TENM3: variants seen among roughly 807,000 people sequenced by gnomAD.
TENM3 encodes the protein teneurin-3.
TENM3 carries 63 observed loss-of-function variants against 255.1 expected under a neutral mutation model. That is an observed-to-expected ratio of 0.25 (90% CI 0.20 to 0.30). The LOEUF is 0.30. Among genes scored for constraint, TENM3 ranks in the 10% least tolerant of loss-of-function variants. TENM3 has a pLI of 1.00. For missense variants in TENM3, 2,929 were observed against 3,461.1 expected (o/e 0.85, Z 3.86); for synonymous variants, 1,306 against 1,322.3 (o/e 0.99, Z 0.27).
chr4:182,477,776 AT>A (rs1322106154), intron 3 of TENM3, among the ~76,000 whole-genome samples: 3 of 152,170 alleles, frequency 2.0e-5, no homozygotes, highest in Admixed American at 6.5e-5. Context: ...CATCTACTTT[AT>A]TTTTTAATAC....
chr4:181,840,953 G>A, the TENM3 span, among the ~76,000 whole-genome samples: 1 of 152,094 alleles, frequency 6.6e-6, no homozygotes, highest in African/African-American at 2.4e-5. Context: ...TTATTCCTTT[G>A]TCTACTTTTT....
chr4:181,973,991 C>T, the TENM3 span, among the ~76,000 whole-genome samples: 126 of 152,272 alleles, frequency 8.3e-4, no homozygotes, highest in Admixed American at 6.3e-3. Context: ...ACCATAATGC[C>T]GGCCTACTCC....
rs1762581215 is a variant in TENM3, at chr4:182,754,415, A to C, written c.4048A>C (p.Ile1350Leu). The C allele has an allele frequency of 1.2e-6, 2 of 1,608,398 alleles. No homozygotes were observed. Among genetic ancestry groups the C allele is most frequent in the Non-Finnish European group, 1.7e-6 (2 of 1,176,948 alleles). Residue 1350 changes from isoleucine to leucine, a missense_variant, in exon 22 of 28, where the codon ATT becomes CTT. This residue lies in a region of TENM3 where 1,608 missense variants were observed against 1,884.4 expected (regional missense o/e 0.85). Transcript: ENST00000511685. The surrounding 1 kb of genome is among the most constrained non-coding windows in gnomAD (Gnocchi z 5.1). ...TCTGGAATGGCCCACTGACCTAGCC[A>C]TTAACCCTATGGATAACTCCATTTA... Reference protein sequence around the residue: ...VRLEWPTDLAINPMDNSIYVL... With the variant: ...VRLEWPTDLALNPMDNSIYVL...
chr4:182,747,019 T>C (rs1762054757), intron 19 of TENM3, among the ~76,000 whole-genome samples: 1 of 152,206 alleles, frequency 6.6e-6, no homozygotes, highest in African/African-American at 2.4e-5. Context: ...TACCTGCCTA[T>C]CGTTACCTTC....
At chr4:182,276,880 C>G (rs75043909) in intron 1 of TENM3, among the ~76,000 whole-genome samples, 4,481 of 152,268 alleles carry the variant, frequency 0.029, 253 homozygotes, top group African/African-American at 0.1. Context: ...GAAATGAACT[C>G]AGCTCTGTGT....
At chr4:181,608,750 G>A in the TENM3 span, among the ~76,000 whole-genome samples, 2 of 152,234 alleles carry the variant, frequency 1.3e-5, no homozygotes, top group South Asian at 4.1e-4. Context: ...GGGGTTCAAG[G>A]GCTTTGCTTT....
the TENM3 span, among the ~76,000 whole-genome samples, chr4:181,699,964 A>G: frequency 6.6e-6 from 1 of 152,134 alleles, no homozygotes; most frequent in Non-Finnish European, 1.5e-5. Flanking sequence ...AGGTAGGCCT[A>G]TTTTTTTGTT....
the TENM3 span, among the ~76,000 whole-genome samples, chr4:182,029,676 A>G: frequency 6.6e-6 from 1 of 152,196 alleles, no homozygotes; most frequent in Non-Finnish European, 1.5e-5. Context: ...TTTATAAAAC[A>G]AACTGTTGCT....
the TENM3 span, chr4:181,975,845 G>A: frequency 1.3e-5 from 2 of 152,172 alleles, no homozygotes; most frequent in East Asian, 1.9e-4. Flanking sequence ...CCATAACAAA[G>A]TACCACAAAC....
chr4:182,047,960 C>T, the TENM3 span, among the ~76,000 whole-genome samples: 4 of 152,104 alleles, frequency 2.6e-5, no homozygotes, highest in East Asian at 1.9e-4. Context: ...GCAGCCCAGT[C>T]GATTCCCCGC....
At chr4:182,770,326 C>T (rs17264314) in intron 22 of TENM3, among the ~76,000 whole-genome samples, 11,131 of 152,082 alleles carry the variant, frequency 0.073, 472 homozygotes, top group Middle Eastern at 0.16. Flanking sequence ...GTTAAAACCC[C>T]GCTTTCTTTA....
chr4:182,659,512 C>A (rs11132141), intron 6 of TENM3, among the ~76,000 whole-genome samples: 2,090 of 152,166 alleles, frequency 0.014, 53 homozygotes, highest in African/African-American at 0.047. Context: ...GGAACACAGA[C>A]CCTATGGATA....
At chr4:182,554,620 C>A (rs1173462130) in intron 3 of TENM3, among the ~76,000 whole-genome samples, 1 of 152,072 alleles carries the variant, frequency 6.6e-6, no homozygotes. Flanking sequence ...GCTTTCTTAT[C>A]ATTAACCTTG....
the TENM3 span, among the ~76,000 whole-genome samples, chr4:181,570,563 A>G: frequency 8.1e-3 from 1,196 of 147,272 alleles, 15 homozygotes; most frequent in African/African-American, 0.029. Context: ...AGAGAGAAAA[A>G]AAAGAAAGGA....
At chr4:181,756,636 G>A in the TENM3 span, among the ~76,000 whole-genome samples, 8 of 152,176 alleles carry the variant, frequency 5.3e-5, no homozygotes, top group East Asian at 1.9e-4. Context: ...AACAAACTCC[G>A]ATGGCAGTTT....
the TENM3 span, among the ~76,000 whole-genome samples, chr4:182,005,854 G>A: frequency 6.6e-6 from 1 of 152,052 alleles, no homozygotes; most frequent in Non-Finnish European, 1.5e-5. Context: ...GTTCATTCCT[G>A]ATTTGGCTCT....
intron 3 of TENM3, among the ~76,000 whole-genome samples, chr4:182,354,822 T>C (rs950624505): frequency 2.7e-4 from 41 of 152,254 alleles, no homozygotes; most frequent in Admixed American, 1.3e-4. Context: ...GTCTGATGAC[T>C]ATTGCCTTGA....
At chr4:181,601,843 AG>A in the TENM3 span, among the ~76,000 whole-genome samples, 1 of 152,090 alleles carries the variant, frequency 6.6e-6, no homozygotes, top group Admixed American at 6.6e-5. Flanking sequence ...TATGAATTTC[AG>A]GGGTAGGGGG....
the TENM3 span, among the ~76,000 whole-genome samples, chr4:181,515,834 T>C: frequency 6.6e-6 from 1 of 152,066 alleles, no homozygotes; most frequent in East Asian, 1.9e-4. Context: ...GATACAGCAA[T>C]CCCCTTACTG....
Sources: gnomAD v4.1 joint callset for allele counts (sites outside exome capture counted in the v4.1 genomes callset) on GRCh38, gnomAD v4.1.1 for gene constraint, gnomAD v4.1.1 regional missense constraint, Gnocchi (gnomAD v3.1) non-coding constraint, MANE v1.5 for transcripts, NCBI Gene and HGNC (gene_info 2026-07-23, HGNC 2026-07-21) for gene names.